SENP5: variants seen among roughly 807,000 people sequenced by gnomAD.
SENP5 encodes the protein sentrin-specific protease 5.
A neutral mutation model predicts 74.2 loss-of-function variants in SENP5; 21 were observed. The observed-to-expected ratio is 0.28, with a 90% confidence interval of 0.20 to 0.41. The LOEUF (loss-of-function observed/expected upper bound fraction) is 0.41. SENP5 is among the 10% of genes least tolerant of loss of function. SENP5 has a pLI of 1.00. For missense variants in SENP5, 717 were observed against 889.1 expected, an observed-to-expected ratio of 0.81 and a Z score of 2.46; for synonymous variants, 311 against 312.7, an observed-to-expected ratio of 0.99 and a Z score of 0.06.
intron 6 of SENP5, among the ~76,000 whole-genome samples, chr3:196,919,304 A>C (rs1284754676): frequency 6.6e-6 from 1 of 152,210 alleles, no homozygotes; most frequent in Admixed American, 6.5e-5. Context: ...AACTTGGTGA[A>C]GCCCTGTCTC....
intron 6 of SENP5, among the ~76,000 whole-genome samples, chr3:196,910,773 C>T (rs542070715): frequency 6.6e-6 from 1 of 152,102 alleles, no homozygotes; most frequent in Non-Finnish European, 1.5e-5. Flanking sequence ...CAAGACAATC[C>T]TAAGCAAAAA....
chr3:196,918,390 T>G (rs2108857629), intron 6 of SENP5, among the ~76,000 whole-genome samples: 1 of 104,724 alleles, frequency 9.5e-6, no homozygotes, highest in South Asian at 3.3e-4. Flanking sequence ...TTTCGTTTTC[T>G]CTTGACTTTT....
At position 196,932,865 on chromosome 3, in the gene SENP5, GCAGAA is replaced by G. The variant is rs1716086851; in HGVS notation, c.*1943_*1947del. 1 of 149,664 alleles carries G rather than the reference GCAGAA, an allele frequency of 6.7e-6. No homozygotes were observed. Among genetic ancestry groups the G allele is most frequent in the Admixed American group, 6.8e-5 (1 of 14,742 alleles). The allele number at this position is 149,664 out of a possible 1,614,324, so 9.3% of individuals were successfully genotyped here. Reference sequence around the variant, plus strand: ...GTTCCTCAGTGACAGAACCTGGCATGCAGAAGAGACAGAATTGTTCCTGTAAGAAA... The same window carrying G: ...GTTCCTCAGTGACAGAACCTGGCATGGAGACAGAATTGTTCCTGTAAGAAA... On this transcript the variant is annotated 3_prime_UTR_variant, in exon 10 of 10. Coordinates refer to ENST00000323460, the MANE Select transcript of SENP5 (RefSeq NM_152699.5).
chr3:196,930,142 A>ATATT (rs138353187), intron 9 of SENP5, among the ~76,000 whole-genome samples: 2,414 of 152,308 alleles, frequency 0.016, 57 homozygotes, highest in African/African-American at 0.053. Context: ...AGTTATACAT[A>ATATT]TATTTATGTT....
intron 2 of SENP5, among the ~76,000 whole-genome samples, chr3:196,889,841 G>A (rs1013717715): frequency 6.6e-6 from 1 of 152,192 alleles, no homozygotes; most frequent in African/African-American, 2.4e-5. Flanking sequence ...GATACTGAGT[G>A]CTCATATTTC....
At chr3:196,917,248 AAG>A (rs1160237688) in intron 6 of SENP5, among the ~76,000 whole-genome samples, 3 of 152,030 alleles carry the variant, frequency 2.0e-5, no homozygotes, top group Admixed American at 6.6e-5. Flanking sequence ...AAGCAGAAGA[AAG>A]AATTAGTAAG....
At chr3:196,886,755 TTGCTAA>T (rs1262374478) in intron 2 of SENP5, 61 bp downstream of exon 2, 7 of 1,363,802 alleles carry the variant, frequency 5.1e-6, no homozygotes. Flanking sequence ...TGCATTATCC[TTGCTAA>T]TAAGAGTCCT....
chr3:196,903,374 A>G (rs1421162377), intron 5 of SENP5, among the ~76,000 whole-genome samples, 159 bp from the exon 6 acceptor site: 1 of 152,188 alleles, frequency 6.6e-6, no homozygotes, highest in Non-Finnish European at 1.5e-5. Context: ...TCCTGACCCC[A>G]GATGATCCAC....
In SENP5 at chr3:196,933,142, A is replaced by G. The variant is rs1181486553; in HGVS notation, c.*2219A>G. 1.3e-5 allele frequency: 2 copies of G among 150,556 alleles called. No homozygotes were observed. The highest frequency in any genetic ancestry group is 2.4e-5 in the African/African-American group (1 of 40,822). 9.3% of individuals were successfully genotyped at this position (150,556 alleles called of 1,614,324 possible). On this transcript the variant is annotated 3_prime_UTR_variant, in exon 10 of 10. Coordinates refer to ENST00000323460, the MANE Select transcript of SENP5 (RefSeq NM_152699.5). Reference sequence around the variant, plus strand: ...GCGATTCTCCTGCCTCAGCCTCCCAAGTAGCTGGGATTACAGGTGTGTGCC... The same window carrying G: ...GCGATTCTCCTGCCTCAGCCTCCCAGGTAGCTGGGATTACAGGTGTGTGCC...
chr3:196,909,043 A>C (rs939295353), intron 6 of SENP5, among the ~76,000 whole-genome samples: 6 of 152,170 alleles, frequency 3.9e-5, no homozygotes, highest in African/African-American at 1.4e-4. Context: ...AGAGAGAAGA[A>C]TCAAATAGAC....
At chr3:196,899,391 A>C (rs564401940) in intron 2 of SENP5, among the ~76,000 whole-genome samples, 50 of 96,536 alleles carry the variant, frequency 5.2e-4, no homozygotes, top group African/African-American at 1.6e-3. Context: ...CCTTCTAGCT[A>C]TCCATTCCTT....
chr3:196,876,517 C>CA (rs11294142), intron 1 of SENP5, among the ~76,000 whole-genome samples: 4,075 of 95,220 alleles, frequency 0.043, 88 homozygotes, highest in African/African-American at 0.082. Flanking sequence ...GATTCTGTCT[C>CA]AAAAAAAAAA....
intron 6 of SENP5, among the ~76,000 whole-genome samples, chr3:196,904,646 G>C (rs1714828318): frequency 1.3e-5 from 2 of 152,032 alleles, no homozygotes; most frequent in South Asian, 4.2e-4. Flanking sequence ...AAATTAGCCG[G>C]GCTGTGATGG....
In SENP5 at chr3:196,885,854, A is replaced by T. The variant is rs375645899; in HGVS notation, c.673A>T (p.Ile225Leu). Residue 225 changes from isoleucine (I) to leucine (L), a missense_variant, in exon 2 of 10, where the codon ATA (isoleucine) becomes TTA (leucine). This residue lies in a region of SENP5 where 567 missense variants were observed against 577.4 expected (regional missense o/e 0.98). Transcript: ENST00000323460. ...KKFQLNQHRR[I>L]KLSPLMMYEK... ...GTTCCAACTTAACCAACATAGAAGG[A>T]TAAAATTATCTCCTCTTATGATGTA... The T allele has an allele frequency of 1.2e-6, 2 of 1,614,068 alleles. No individual in the cohort carries two copies. The highest frequency in any genetic ancestry group is 1.7e-6 in the Non-Finnish European group (2 of 1,180,004).
chr3:196,915,824 G>C (rs1462972150), intron 6 of SENP5, among the ~76,000 whole-genome samples: 1 of 152,194 alleles, frequency 6.6e-6, no homozygotes, highest in East Asian at 1.9e-4. Context: ...GAGCCTGCAA[G>C]GGTCACAGTC....
chr3:196,917,455 A>G (rs2108856327), intron 6 of SENP5, among the ~76,000 whole-genome samples: 1 of 152,294 alleles, frequency 6.6e-6, no homozygotes, highest in East Asian at 1.9e-4. Flanking sequence ...ATATTCAGGT[A>G]CAAGAAGGTC....
intron 7 of SENP5, 140 bp from the exon 8 acceptor site, chr3:196,927,656 A>T: frequency 5.9e-6 from 3 of 504,518 alleles, no homozygotes; most frequent in Non-Finnish European, 3.5e-6. Flanking sequence ...AAAAAAAAAA[A>T]TTGTTCCAGC....
At chr3:196,906,813 T>C (rs772872239) in intron 6 of SENP5, among the ~76,000 whole-genome samples, 5 of 152,208 alleles carry the variant, frequency 3.3e-5, no homozygotes, top group Non-Finnish European at 7.3e-5. Flanking sequence ...TTAGTGACAT[T>C]ATCCACTTTG....
intron 6 of SENP5, chr3:196,905,089 G>A (rs1241563102): frequency 2.0e-5 from 3 of 152,038 alleles, no homozygotes; most frequent in Non-Finnish European, 4.4e-5. Context: ...TAATAGAGAC[G>A]GGATTTCACT....
Sources: gnomAD v4.1 joint callset for allele counts (sites outside exome capture counted in the v4.1 genomes callset) on GRCh38, gnomAD v4.1.1 for gene constraint, gnomAD v4.1.1 regional missense constraint, MANE v1.5 for transcripts, NCBI Gene and HGNC (gene_info 2026-07-23, HGNC 2026-07-21) for gene names.